NCKAP5: variants seen among roughly 807,000 people sequenced by gnomAD.
NCKAP5 encodes NCK associated protein 5, also known as nck-associated protein 5.
Under a neutral mutation model 167.0 loss-of-function variants are expected in NCKAP5, and 92 were observed. The ratio of observed to expected loss-of-function variants is 0.55; its 90% CI spans 0.47 to 0.66. The LOEUF is 0.66. NCKAP5 is among the 30% of genes least tolerant of loss of function. The probability of loss-of-function intolerance (pLI) is 0.00; values close to 1 mark genes in which losing one functional copy is unlikely to be tolerated. For missense variants in NCKAP5, 2,378 were observed against 2,315.0 expected, an observed-to-expected ratio of 1.03 and a Z score of -0.56; for synonymous variants, 891 against 877.4, an observed-to-expected ratio of 1.02 and a Z score of -0.27.
intron 16 of NCKAP5, among the ~76,000 whole-genome samples, chr2:132,736,896 G>A (rs1226560078): frequency 6.6e-6 from 1 of 152,228 alleles, no homozygotes; most frequent in Non-Finnish European, 1.5e-5. Flanking sequence ...AGAAGTTCAA[G>A]GGTTGGGTTG....
At chr2:133,154,816 A>G (rs1399264836) in intron 5 of NCKAP5, among the ~76,000 whole-genome samples, 2 of 152,136 alleles carry the variant, frequency 1.3e-5, no homozygotes, top group East Asian at 3.9e-4. Context: ...GAAATTAAGG[A>G]CTCTAACTTA....
chr2:132,703,625 T>C (rs1376790713), intron 19 of NCKAP5, among the ~76,000 whole-genome samples: 1 of 152,170 alleles, frequency 6.6e-6, no homozygotes, highest in Non-Finnish European at 1.5e-5. Context: ...GCTGTTGTTA[T>C]TGGTGGGAGT....
Position 133,436,412 on chromosome 2 carries a change from C to T in NCKAP5, c.69+81046G>A, listed in dbSNP as rs140160673. On this transcript the variant is annotated intron_variant, in intron 3 of 19. Coordinates refer to ENST00000409261, the MANE Select transcript of NCKAP5 (RefSeq NM_207363.3). ...CATCTTCCTGGCTCTAGTTTTTTTG[C>T]ACCTATGGCCACACCATAAAGAAGC... Among the ~76,000 whole-genome samples the T allele has an allele frequency of 1.5e-4, 23 of 152,276 alleles. No homozygotes were observed. In the East Asian group the frequency reaches 4.4e-3, roughly 29 times the overall value.
chr2:132,829,472 A>G (rs1003171484), intron 11 of NCKAP5, among the ~76,000 whole-genome samples: 1 of 152,212 alleles, frequency 6.6e-6, no homozygotes, highest in African/African-American at 2.4e-5. Context: ...AATTTTATTG[A>G]AATACAGTCA....
At chr2:133,425,669 C>G (rs1689747352) in intron 3 of NCKAP5, among the ~76,000 whole-genome samples, 1 of 152,060 alleles carries the variant, frequency 6.6e-6, no homozygotes, top group Non-Finnish European at 1.5e-5. Flanking sequence ...CTTCCTAAAA[C>G]AGAAGATGCA....
At chr2:133,204,834 C>T (rs2085871875) in intron 5 of NCKAP5, among the ~76,000 whole-genome samples, 1 of 152,186 alleles carries the variant, frequency 6.6e-6, no homozygotes, top group Non-Finnish European at 1.5e-5. Flanking sequence ...GATGTTTTGA[C>T]TTACAATGTG....
chr2:133,514,471 C>T lies in NCKAP5; in HGVS notation c.69+2987G>A, dbSNP rs181345124. On this transcript the variant is annotated intron_variant, in intron 3 of 19. Transcript: ENST00000409261. ...TGTGAGTTTCTTTATTCTGTGATTC[C>T]TCCAGTCTAAAAATGTAAAAGCCAT... 9.4e-3 allele frequency among the ~76,000 whole-genome samples: 1,425 copies of T among 152,220 alleles called. 13 individuals are homozygous for T. The highest frequency in any genetic ancestry group is 0.017 in the Middle Eastern group (5 of 294).
At chr2:132,895,376 A>G (rs1693103724) in intron 8 of NCKAP5, among the ~76,000 whole-genome samples, 2 of 151,658 alleles carry the variant, frequency 1.3e-5, no homozygotes, top group African/African-American at 4.8e-5. Context: ...AAATCAAAAT[A>G]AGATCTGGCC....
At chr2:133,577,551 G>T in the NCKAP5 span, among the ~76,000 whole-genome samples, 18 of 151,312 alleles carry the variant, frequency 1.2e-4, no homozygotes, top group Admixed American at 1.1e-3. Context: ...AAGTTTTAGG[G>T]TACATGTGCA....
intron 3 of NCKAP5, chr2:133,391,095 G>A (rs1687369084): frequency 6.6e-6 from 1 of 152,088 alleles, no homozygotes; most frequent in South Asian, 2.1e-4. Flanking sequence ...ACACTTTCCT[G>A]AGAGCTCTCT....
At chr2:133,022,855 A>G (rs192798355) in intron 6 of NCKAP5, among the ~76,000 whole-genome samples, 6 of 152,296 alleles carry the variant, frequency 3.9e-5, no homozygotes, top group Non-Finnish European at 7.3e-5. Flanking sequence ...GATGAAGGGA[A>G]GCCATCTTCC....
chr2:132,725,434 A>G (rs773974286), intron 19 of NCKAP5, among the ~76,000 whole-genome samples, 193 bp downstream of exon 19: 7 of 152,254 alleles, frequency 4.6e-5, no homozygotes, highest in Non-Finnish European at 1.0e-4. Context: ...CTGCAATGTC[A>G]TGAAGATTAC....
chr2:133,359,353 T>C (rs187478545), intron 3 of NCKAP5, among the ~76,000 whole-genome samples: 26 of 152,354 alleles, frequency 1.7e-4, no homozygotes, highest in Admixed American at 1.5e-3. Flanking sequence ...ATATCACTAT[T>C]CTTTGTAATT....
chr2:132,887,570 G>A (rs6731396), intron 8 of NCKAP5, among the ~76,000 whole-genome samples: 66,321 of 151,978 alleles, frequency 0.44, 16,114 homozygotes, highest in East Asian at 0.69. Flanking sequence ...CTCAAGAGTC[G>A]GGCTCATCTC....
At chr2:133,173,632 C>A (rs1559223862) in intron 5 of NCKAP5, among the ~76,000 whole-genome samples, 1 of 152,250 alleles carries the variant, frequency 6.6e-6, no homozygotes, top group East Asian at 1.9e-4. Context: ...CTATAAATTC[C>A]CACTTTTCCT....
intron 2 of NCKAP5, among the ~76,000 whole-genome samples, chr2:133,552,558 A>T (rs920789544): frequency 1.5e-5 from 2 of 134,876 alleles, no homozygotes; most frequent in Non-Finnish European, 3.1e-5. Flanking sequence ...GATCACATGG[A>T]CACAGGAAGG....
chr2:133,271,083 C>A (rs932221355), intron 4 of NCKAP5, among the ~76,000 whole-genome samples: 7 of 139,514 alleles, frequency 5.0e-5, no homozygotes, highest in Non-Finnish European at 1.1e-4. Flanking sequence ...CCAGGCCCGG[C>A]TAATTTTTTT....
chr2:132,714,899 A>T (rs1294166183), intron 19 of NCKAP5: 2 of 455,670 alleles, frequency 4.4e-6, no homozygotes, highest in Non-Finnish European at 4.4e-6. Flanking sequence ...TTTCTAACAT[A>T]CCCAGCCAAA....
intron 10 of NCKAP5, among the ~76,000 whole-genome samples, chr2:132,862,325 G>A (rs1689976837): frequency 6.6e-6 from 1 of 152,234 alleles, no homozygotes; most frequent in Non-Finnish European, 1.5e-5. Flanking sequence ...GCCCACTACA[G>A]TTTCAACTCT....
Sources: allele counts gnomAD v4.1 joint callset (sites outside exome capture counted in the v4.1 genomes callset), GRCh38; gene constraint gnomAD v4.1.1; transcripts MANE v1.5; gene names NCBI Gene and HGNC (gene_info 2026-07-23, HGNC 2026-07-21).